Variants in CDH5 observed in about 807,000 individuals in gnomAD.
CDH5 encodes cadherin 5, also known as cadherin-5.
In CDH5, 28 loss-of-function variants were observed where a neutral mutation model predicts 62.0. The observed-to-expected ratio is 0.45, with a 90% CI of 0.33 to 0.62. CDH5 has a LOEUF of 0.62. Among genes scored for constraint, CDH5 ranks in the 20% least tolerant of loss-of-function variants. The pLI is 0.02. For missense variants in CDH5, 940 were observed against 1,065.1 expected, an observed-to-expected ratio of 0.88 and a Z score of 1.63; for synonymous variants, 464 against 445.8, an observed-to-expected ratio of 1.04 and a Z score of -0.52.
At chr16:66,373,015 A>G (rs935420432) in intron 1 of CDH5, among the ~76,000 whole-genome samples, 1 of 152,016 alleles carries the variant, frequency 6.6e-6, no homozygotes, top group African/African-American at 2.4e-5. Flanking sequence ...CAGAACCTAC[A>G]TCTGAGTTGC....
rs111977773 is a variant in CDH5 at position 66,386,454 on chromosome 16, A to C, written c.211-355A>C. Reference sequence around the variant, plus strand: ...CAACCTCCCCTCTTTTGGAGTCTCCAGTGTCTATTATTTCCATTTTTATGG... The same window carrying C: ...CAACCTCCCCTCTTTTGGAGTCTCCCGTGTCTATTATTTCCATTTTTATGG... On this transcript the variant is annotated intron_variant, in intron 2 of 11. Transcript: ENST00000341529. 7.9e-3 allele frequency among the ~76,000 whole-genome samples: 1,199 copies of C among 152,154 alleles called. 15 individuals are homozygous for C. Among genetic ancestry groups the C allele is most frequent in the South Asian group, 0.039 (188 of 4,814 alleles).
rs779726552 is a variant in CDH5 at position 66,392,289 on chromosome 16, C to G, written c.1123C>G (p.Pro375Ala). The G allele has an allele frequency of 1.3e-5, 21 of 1,614,054 alleles. No individual in the cohort carries two copies. The highest frequency in any genetic ancestry group is 5.3e-5 in the African/African-American group (4 of 74,900). Residue 375 changes from proline to alanine, a missense_variant, in exon 7 of 12, where the codon CCT (proline) becomes GCT (alanine). Transcript: ENST00000341529. ...GGACGAGCCCCCCATTTTCCAGCAG[C>G]CTTTCTACCACTTCCAGCTGAAGGA... ...DVDEPPIFQQ[P>A]FYHFQLKENQ...
At chr16:66,388,787 A>G (rs981432431) in intron 4 of CDH5, among the ~76,000 whole-genome samples, 2 of 152,220 alleles carry the variant, frequency 1.3e-5, no homozygotes, top group Non-Finnish European at 2.9e-5. Flanking sequence ...CACCCCCTCT[A>G]GAGACCTTGG....
At chr16:66,378,764 T>G (rs192703745) in intron 1 of CDH5, among the ~76,000 whole-genome samples, 1 of 152,290 alleles carries the variant, frequency 6.6e-6, no homozygotes, top group Admixed American at 6.5e-5. Context: ...CAAGTAGAAA[T>G]GGTTTCCACG....
In CDH5 at chr16:66,401,292, A is replaced by G. The variant is rs113736648; in HGVS notation, c.1837+276A>G. Among the ~76,000 whole-genome samples the G allele has an allele frequency of 7.8e-3, 1,191 of 152,322 alleles. 13 individuals are homozygous for G. The highest frequency in any genetic ancestry group is 0.038 in the South Asian group (185 of 4,828). On this transcript the variant is annotated intron_variant, in intron 11 of 11. Coordinates refer to ENST00000341529, the MANE Select transcript of CDH5 (RefSeq NM_001795.5). Reference sequence around the variant, plus strand: ...ATCAGGCCAGTATCACTTTAAAATAACTTATACATAACAGTCACTCCTTCC... The same window carrying G: ...ATCAGGCCAGTATCACTTTAAAATAGCTTATACATAACAGTCACTCCTTCC...
intron 8 of CDH5, among the ~76,000 whole-genome samples, chr16:66,397,517 G>A (rs1274149864): frequency 1.3e-5 from 2 of 151,990 alleles, no homozygotes; most frequent in African/African-American, 4.8e-5. Context: ...CACAGCACCT[G>A]GCCTTAAAAT....
intron 3 of CDH5, 148 bp from the exon 4 acceptor site, chr16:66,388,176 C>T (rs1328162853): frequency 4.9e-6 from 3 of 611,082 alleles, no homozygotes; most frequent in Non-Finnish European, 8.7e-6. Flanking sequence ...CCCATGCAGG[C>T]TCCTCAGAAA....
intron 2 of CDH5, among the ~76,000 whole-genome samples, chr16:66,384,661 C>CAAAAAAA: frequency 9.8e-6 from 1 of 101,596 alleles, no homozygotes; most frequent in Non-Finnish European, 1.9e-5. Flanking sequence ...GTACCTGTCT[C>CAAAAAAA]AAAAAAAAAA....
Position 66,380,211 on chromosome 16 carries a change from T to C in CDH5, c.210+664T>C, listed in dbSNP as rs866090874. Among the ~76,000 whole-genome samples the C allele has an allele frequency of 1.3e-3, 138 of 108,966 alleles. 1 individual carries two copies. The highest frequency in any genetic ancestry group is 1.4e-3 in the Non-Finnish European group (77 of 53,788). 71.5% of individuals were successfully genotyped at this position (108,966 alleles called of 152,430 possible). A position where few individuals can be genotyped will look rare whatever the true frequency, so the allele number is the denominator to read the frequency against. ...AAGGGGTAGGTGGTGGTGGTGATCATGGTGATGGTGGTGATGATAAAGGGG... is the reference window on the plus strand; with the variant it reads ...AAGGGGTAGGTGGTGGTGGTGATCACGGTGATGGTGGTGATGATAAAGGGG... On this transcript the variant is annotated intron_variant, in intron 2 of 11. Transcript: ENST00000341529.
At position 66,367,018 on chromosome 16, in the gene CDH5, T is replaced by C. The variant is rs553416830; in HGVS notation, c.-20+260T>C. Among the ~76,000 whole-genome samples the C allele has an allele frequency of 3.3e-5, 5 of 152,300 alleles. No individual in the cohort carries two copies. The Middle Eastern group carries it at 0.01, about 311-fold the overall frequency. On this transcript the variant is annotated intron_variant, in intron 1 of 11. Transcript: ENST00000341529. ...AGGGCTTGGCTCTCCCAGAAGTGTATTCTCCAACTCAAAAAGGCCCACTGG... is the reference window on the plus strand; with the variant it reads ...AGGGCTTGGCTCTCCCAGAAGTGTACTCTCCAACTCAAAAAGGCCCACTGG...
Position 66,392,121 on chromosome 16 carries a change from T to C in CDH5, c.970-15T>C. The C allele has an allele frequency of 6.2e-7, 1 of 1,613,498 alleles. No individual in the cohort carries two copies. Among genetic ancestry groups the C allele is most frequent in the Non-Finnish European group, 8.5e-7 (1 of 1,179,628 alleles). Reference sequence around the variant, plus strand: ...GGCCCAGAGCAGGCACTCACCATCCTTTTTCCTTACGCAGCCTCTGGATTA... The same window carrying C: ...GGCCCAGAGCAGGCACTCACCATCCCTTTTCCTTACGCAGCCTCTGGATTA... On this transcript the variant is annotated splice_polypyrimidine_tract_variant and intron_variant, in intron 6 of 11. Transcript: ENST00000341529.
chr16:66,390,344 G>A, intron 5 of CDH5, 59 bp from the exon 6 acceptor site: 1 of 1,290,940 alleles, frequency 7.7e-7, no homozygotes, highest in Non-Finnish European at 1.1e-6. Context: ...GCTGAAAGAG[G>A]CAATCGCCTT....
intron 7 of CDH5, among the ~76,000 whole-genome samples, chr16:66,394,573 T>C (rs1174821126): frequency 6.6e-6 from 1 of 152,076 alleles, no homozygotes; most frequent in African/African-American, 2.4e-5. Flanking sequence ...TATTTTTTTT[T>C]TCTCCTAGAT....
At chr16:66,396,564 T>C (rs1073584) in intron 8 of CDH5, among the ~76,000 whole-genome samples, 104,291 of 152,102 alleles carry the variant, frequency 0.69, 35,993 homozygotes, top group East Asian at 0.81. Flanking sequence ...TCTGGTCCAG[T>C]GAGCCAGAGA....
intron 5 of CDH5, among the ~76,000 whole-genome samples, chr16:66,389,887 G>A (rs1961052748): frequency 6.6e-6 from 1 of 152,198 alleles, no homozygotes; most frequent in African/African-American, 2.4e-5. Flanking sequence ...ATTCCCACAA[G>A]CCAGTGAACA....
chr16:66,382,455 G>C (rs978211187), intron 2 of CDH5, among the ~76,000 whole-genome samples: 3 of 152,108 alleles, frequency 2.0e-5, no homozygotes, highest in Admixed American at 6.5e-5. Context: ...ACACAAATGC[G>C]AGCTCTGTGT....
chr16:66,379,173 G>T, intron 1 of CDH5, 146 bp from the exon 2 acceptor site: 2 of 661,626 alleles, frequency 3.0e-6, no homozygotes, highest in Non-Finnish European at 2.7e-6. Flanking sequence ...CCCTGAAAGG[G>T]GGAACAATAA....
chr16:66,402,722 G>A lies in CDH5; in HGVS notation c.1908G>A (p.Pro636=), dbSNP rs758076739. ...KQARAHGKSV[P]EIHEQLVTYD... ...CCCGCGCGCACGGCAAGAGCGTGCC[G>A]GAGATCCACGAGCAGCTGGTCACCT... The change falls in exon 12 of 12, where the codon CCG becomes CCA. Residue 636 remains proline (P), a synonymous_variant. Coordinates refer to ENST00000341529, the MANE Select transcript of CDH5 (RefSeq NM_001795.5). 26 of 1,609,688 alleles carry A rather than the reference G, an allele frequency of 1.6e-5. No individual in the cohort carries two copies. The Middle Eastern group carries it at 1.3e-3, about 79-fold the overall frequency.
chr16:66,392,167 G>T lies in CDH5; in HGVS notation c.1001G>T (p.Ser334Ile), dbSNP rs35062536. 14 of 1,613,972 alleles carry T rather than the reference G, an allele frequency of 8.7e-6. No homozygotes were observed. In the Admixed American group the frequency reaches 2.3e-4, roughly 27 times the overall value. ...GATTATGAATACATCCAGCAATACA[G>T]CTTCATCGTCGAGGCCACAGACCCC... ...PLDYEYIQQY[S>I]FIVEATDPTI... The change falls in exon 7 of 12, where the codon AGC (serine) becomes ATC (isoleucine). Residue 334 changes from serine (S) to isoleucine (I), a missense_variant. Ser to Ile is a moderately radical substitution (Grantham distance 142, BLOSUM62 -2). Coordinates refer to ENST00000341529, the MANE Select transcript of CDH5 (RefSeq NM_001795.5).
Sources: gnomAD v4.1 joint callset for allele counts (sites outside exome capture counted in the v4.1 genomes callset) on GRCh38, gnomAD v4.1.1 for gene constraint, MANE v1.5 for transcripts, NCBI Gene and HGNC (gene_info 2026-07-23, HGNC 2026-07-21) for gene names.